The following CHRM3 variants were observed in gnomAD, a reference collection of about 807,000 sequenced individuals.
The protein encoded by CHRM3 is cholinergic receptor muscarinic 3, also known as muscarinic acetylcholine receptor M3.
A neutral mutation model predicts 41.8 loss-of-function variants in CHRM3; 11 were observed. The ratio of observed to expected loss-of-function variants is 0.26; its 90% CI spans 0.17 to 0.44. CHRM3 has a LOEUF of 0.44. CHRM3 is among the 20% of genes least tolerant of loss of function. CHRM3 has a pLI of 1.00. For missense variants in CHRM3, 571 were observed against 745.4 expected (o/e 0.77, Z 2.72); for synonymous variants, 297 against 301.4 (o/e 0.99, Z 0.15).
At chr1:239,796,562 CGTGG>C (rs1014291277) in intron 5 of CHRM3, among the ~76,000 whole-genome samples, 2 of 151,780 alleles carry the variant, frequency 1.3e-5, no homozygotes, top group Admixed American at 6.6e-5. Context: ...CTTAGGCTCT[CGTGG>C]GTGTATACTT....
At chr1:239,703,134 TCTCCTGGGAAATTCTTTTTTG>T (rs1359645244) in intron 5 of CHRM3, 1 of 152,180 alleles carries the variant, frequency 6.6e-6, no homozygotes, top group African/African-American at 2.4e-5. Flanking sequence ...ATACTTCTAT[TCTCCTGGGAAATTCTTTTTTG>T]CTCAATTATC....
intron 1 of CHRM3, among the ~76,000 whole-genome samples, chr1:239,405,529 A>C (rs1161945462): frequency 6.6e-6 from 1 of 152,150 alleles, no homozygotes; most frequent in East Asian, 1.9e-4. Context: ...CAGTTTGGCC[A>C]ATTAGACTTG....
chr1:239,747,070 A>C (rs1665430258), intron 5 of CHRM3, among the ~76,000 whole-genome samples: 1 of 152,060 alleles, frequency 6.6e-6, no homozygotes, highest in Non-Finnish European at 1.5e-5. Context: ...ACTCTATTTC[A>C]ATCCATTAAC....
intron 6 of CHRM3, among the ~76,000 whole-genome samples, chr1:239,879,497 T>C (rs550584838): frequency 6.6e-6 from 1 of 152,278 alleles, no homozygotes; most frequent in African/African-American, 2.4e-5. Flanking sequence ...AAAACATCCA[T>C]AAATCTGTCA....
At chr1:239,889,472 A>T (rs1678361184) in intron 6 of CHRM3, among the ~76,000 whole-genome samples, 2 of 152,168 alleles carry the variant, frequency 1.3e-5, no homozygotes, top group Admixed American at 1.3e-4. Context: ...CTATTGGCAC[A>T]GCTGCCGGCG....
At position 239,424,196 on chromosome 1, in the gene CHRM3, A is replaced by C. The variant is rs533415181; in HGVS notation, c.-521+36969A>C. 2.0e-5 allele frequency among the ~76,000 whole-genome samples: 3 copies of C among 152,280 alleles called. No homozygotes were observed. In the East Asian group the frequency reaches 5.8e-4, roughly 29 times the overall value. ...GGCCACACATCTGTTAGTGCTCCTA[A>C]CATACGACACGGCAATGAGTGGTGT... On this transcript the variant is annotated intron_variant, in intron 1 of 6. Coordinates refer to ENST00000676153, the MANE Select transcript of CHRM3 (RefSeq NM_001375978.1).
Position 239,390,483 on chromosome 1 carries a change from T to C in CHRM3, c.-521+3256T>C, listed in dbSNP as rs143871488. 3.1e-3 allele frequency among the ~76,000 whole-genome samples: 472 copies of C among 152,328 alleles called. 5 individuals are homozygous for C. Among genetic ancestry groups the C allele is most frequent in the Middle Eastern group, 0.031 (9 of 294 alleles). On this transcript the variant is annotated intron_variant, in intron 1 of 6. Transcript: ENST00000676153. ...GCCCTATCTTCTCCATTAGGGAATA[T>C]ATCTTTGTTCAGATCAAATGCTAAG...
At chr1:239,474,451 T>A (rs1666333068) in intron 1 of CHRM3, among the ~76,000 whole-genome samples, 1 of 152,180 alleles carries the variant, frequency 6.6e-6, no homozygotes, top group South Asian at 2.1e-4. Context: ...ATATTTTGAT[T>A]ATTGGTGTAG....
intron 3 of CHRM3, among the ~76,000 whole-genome samples, chr1:239,617,611 G>T (rs1667776021): frequency 6.6e-6 from 1 of 152,176 alleles, no homozygotes; most frequent in Admixed American, 6.5e-5. Flanking sequence ...GCGCATGTCT[G>T]TAGTCCCAGC....
At position 239,908,415 on chromosome 1, in the gene CHRM3, C is replaced by A; in HGVS notation, c.964C>A (p.Pro322Thr). 2 of 1,614,040 alleles carry A rather than the reference C, an allele frequency of 1.2e-6. No homozygotes were observed. Among genetic ancestry groups the A allele is most frequent in the Non-Finnish European group, 1.7e-6 (2 of 1,180,016 alleles). ...HFWFTTKSWK[P>T]SSEQMDQDHS... Reference sequence around the variant, plus strand: ...CTGGTTCACAACCAAGAGCTGGAAACCCAGCTCCGAGCAGATGGACCAAGA... The same window carrying A: ...CTGGTTCACAACCAAGAGCTGGAAAACCAGCTCCGAGCAGATGGACCAAGA... The change falls in exon 7 of 7, where the codon CCC becomes ACC. Residue 322 changes from proline to threonine, a missense_variant. Pro to Thr is a conservative substitution (Grantham distance 38). Around this residue, in one of 5 missense-constraint regions of CHRM3, gnomAD observed 239 missense variants for 239.6 expected, o/e 1.00. Coordinates refer to ENST00000676153, the MANE Select transcript of CHRM3 (RefSeq NM_001375978.1). The surrounding 1 kb of genome is among the most constrained non-coding windows in gnomAD (Gnocchi z 7.2).
chr1:239,586,920 T>G (rs1663471788), intron 3 of CHRM3, among the ~76,000 whole-genome samples: 1 of 152,186 alleles, frequency 6.6e-6, no homozygotes, highest in African/African-American at 2.4e-5. Context: ...GTATTATTGA[T>G]GGATATTGGC....
chr1:239,664,788 T>C, intron 4 of CHRM3, among the ~76,000 whole-genome samples: 1 of 152,324 alleles, frequency 6.6e-6, no homozygotes, highest in South Asian at 2.1e-4. Context: ...ATCCAGTGCC[T>C]TCTAGGCAAG....
chr1:239,688,207 T>C (rs1319792756), intron 5 of CHRM3, among the ~76,000 whole-genome samples: 1 of 149,136 alleles, frequency 6.7e-6, no homozygotes, highest in Non-Finnish European at 1.5e-5. Context: ...ACATGTATTA[T>C]ATATAAAACA....
Position 239,504,964 on chromosome 1 carries a change from A to G in CHRM3, c.-422+12157A>G, listed in dbSNP as rs541262485. ...AAAGACTACAAATATGGTGCAGTGT[A>G]TACTGTTTGGGTGATGGGTACACCA... On this transcript the variant is annotated intron_variant, in intron 2 of 6. Coordinates refer to ENST00000676153, the MANE Select transcript of CHRM3 (RefSeq NM_001375978.1). Among the ~76,000 whole-genome samples the G allele has an allele frequency of 5.3e-5, 8 of 152,266 alleles. No individual in the cohort carries two copies. The East Asian group carries it at 1.5e-3, about 29-fold the overall frequency.
chr1:239,688,781 A>G (rs1214368014), intron 5 of CHRM3, among the ~76,000 whole-genome samples: 5 of 138,950 alleles, frequency 3.6e-5, no homozygotes, highest in African/African-American at 5.3e-5. Context: ...ACACTATTCA[A>G]TATAATATAC....
chr1:239,809,654 C>T (rs138221131), intron 5 of CHRM3, among the ~76,000 whole-genome samples: 1 of 152,096 alleles, frequency 6.6e-6, no homozygotes, highest in African/African-American at 2.4e-5. Flanking sequence ...CACGTCACAC[C>T]ACCTGACTAA....
chr1:239,623,181 G>A (rs555576651), intron 3 of CHRM3, among the ~76,000 whole-genome samples: 1 of 152,060 alleles, frequency 6.6e-6, no homozygotes, highest in Non-Finnish European at 1.5e-5. Flanking sequence ...TGTTACATAT[G>A]TATACATGTG....
chr1:239,430,038 G>T (rs1018279835), intron 1 of CHRM3, among the ~76,000 whole-genome samples: 1 of 145,750 alleles, frequency 6.9e-6, no homozygotes, highest in Non-Finnish European at 1.5e-5. Context: ...CACAATCTCA[G>T]CTCACTGCAA....
chr1:239,507,532 A>C (rs1668654500), intron 2 of CHRM3, among the ~76,000 whole-genome samples: 1 of 152,224 alleles, frequency 6.6e-6, no homozygotes, highest in Admixed American at 6.5e-5. Flanking sequence ...TTATGTCCTT[A>C]GCAGCAGCAT....
Sources: allele counts gnomAD v4.1 joint callset (sites outside exome capture counted in the v4.1 genomes callset), GRCh38; gene constraint gnomAD v4.1.1; regional missense constraint gnomAD v4.1.1; non-coding constraint Gnocchi (gnomAD v3.1); transcripts MANE v1.5; gene names NCBI Gene and HGNC (gene_info 2026-07-23, HGNC 2026-07-21).